Variants in BEND7 observed in about 807,000 individuals in gnomAD.
BEND7 encodes the protein BEN domain-containing protein 7.
BEND7 carries 28 observed loss-of-function variants against 50.9 expected under a neutral mutation model. That is an observed-to-expected ratio of 0.55 (90% CI 0.41 to 0.75). The LOEUF is 0.75. Ranked by LOEUF, BEND7 falls within the 30% of genes least tolerant of loss-of-function variation. The pLI is 0.00. For synonymous variants in BEND7, 170 were observed against 183.9 expected (o/e 0.92, Z 0.61); for missense variants, 477 against 491.3 (o/e 0.97, Z 0.28).
chr10:13,500,181 T>G, intron 2 of BEND7, 101 bp from the exon 3 acceptor site: 1 of 1,018,040 alleles, frequency 9.8e-7, no homozygotes, highest in Non-Finnish European at 1.4e-6. Context: ...TCTTTGGAAA[T>G]GGGAAAGATG....
In BEND7 at chr10:13,497,004, A is replaced by G. The variant is rs566830472; in HGVS notation, c.449-116T>C. ...TTGGCAGGATTTTGAAGCATGTGCA[A>G]TTATGATGAAGCTGTGCCTAAGGAA... On this transcript the variant is annotated intron_variant, in intron 3 of 8. Transcript: ENST00000466271. 8.6e-6 allele frequency: 11 copies of G among 1,283,892 alleles called. No homozygotes were observed. In the Admixed American group the frequency reaches 9.3e-5, roughly 11 times the overall value. The allele number at this position is 1,283,892 out of a possible 1,614,324, so 79.5% of individuals were successfully genotyped here.
chr10:13,480,539 C>A (rs2075782661), intron 6 of BEND7: 7 of 679,254 alleles, frequency 1.0e-5, no homozygotes, highest in South Asian at 6.9e-5. Context: ...TAAGAAGCAT[C>A]ATAGCTTTAT....
chr10:13,447,630 G>A (rs887443858), intron 7 of BEND7, among the ~76,000 whole-genome samples: 2 of 132,266 alleles, frequency 1.5e-5, no homozygotes, highest in African/African-American at 2.9e-5. Context: ...TACAAGCTCC[G>A]CCTCCCGGGT....
intron 6 of BEND7, among the ~76,000 whole-genome samples, chr10:13,473,480 T>A (rs2075109723): frequency 6.8e-6 from 1 of 146,270 alleles, no homozygotes; most frequent in African/African-American, 2.6e-5. Flanking sequence ...AGACTCGGGG[T>A]TGATATCTGT....
intron 2 of BEND7, among the ~76,000 whole-genome samples, chr10:13,503,233 T>C (rs2077612362): frequency 6.6e-6 from 1 of 152,100 alleles, no homozygotes; most frequent in Non-Finnish European, 1.5e-5. Flanking sequence ...GCGCCTGCCG[T>C]GTGCAGAAAC....
intron 2 of BEND7, among the ~76,000 whole-genome samples, chr10:13,523,515 G>A (rs976933882): frequency 1.3e-5 from 2 of 152,202 alleles, no homozygotes; most frequent in African/African-American, 4.8e-5. Flanking sequence ...ACATATGTTT[G>A]AATGTAGAAA....
intron 7 of BEND7, among the ~76,000 whole-genome samples, chr10:13,448,281 A>T (rs1017513766): frequency 6.6e-6 from 1 of 152,052 alleles, no homozygotes; most frequent in Non-Finnish European, 1.5e-5. Flanking sequence ...TTCCCGTAAC[A>T]TGTGGGGATG....
chr10:13,468,759 TGAGCAGG>T (rs2074508889), intron 6 of BEND7, among the ~76,000 whole-genome samples: 1 of 152,200 alleles, frequency 6.6e-6, no homozygotes, highest in African/African-American at 2.4e-5. Flanking sequence ...GCCAGGTAAT[TGAGCAGG>T]GTGAGTTGCA....
chr10:13,442,799 C>G (rs935974012), intron 8 of BEND7: 2 of 152,186 alleles, frequency 1.3e-5, no homozygotes, highest in African/African-American at 4.8e-5. Context: ...GTCATTTGCA[C>G]TTACTCAGTT....
intron 6 of BEND7, among the ~76,000 whole-genome samples, chr10:13,475,706 C>G (rs1291844527): frequency 1.2e-5 from 1 of 82,584 alleles, no homozygotes; most frequent in African/African-American, 3.9e-5. Flanking sequence ...TATAAAGAAT[C>G]CAAATGCTAG....
chr10:13,440,653 G>A (rs921862285), downstream of BEND7, among the ~76,000 whole-genome samples: 4 of 152,212 alleles, frequency 2.6e-5, no homozygotes, highest in South Asian at 2.1e-4. Flanking sequence ...GAGGAGTGGC[G>A]CCCTCCTGTG....
At chr10:13,497,692 G>A (rs1195601864) in intron 3 of BEND7, among the ~76,000 whole-genome samples, 2 of 152,044 alleles carry the variant, frequency 1.3e-5, no homozygotes, top group Non-Finnish European at 2.9e-5. Flanking sequence ...GAATAAAATG[G>A]GACATTTGGA....
chr10:13,514,627 G>A (rs968838499), intron 2 of BEND7, among the ~76,000 whole-genome samples: 5 of 152,128 alleles, frequency 3.3e-5, no homozygotes, highest in Admixed American at 1.3e-4. Flanking sequence ...ACCGTGTGCC[G>A]GCACCAGGAT....
At chr10:13,487,596 C>T (rs922586788) in intron 5 of BEND7, among the ~76,000 whole-genome samples, 17 of 151,926 alleles carry the variant, frequency 1.1e-4, no homozygotes, top group African/African-American at 3.6e-4. Context: ...ATGTTGATCA[C>T]GCTGGTCTCG....
At chr10:13,438,831 A>G (rs1265672105), downstream of BEND7, 1 of 268,142 alleles carries the variant, frequency 3.7e-6, no homozygotes, top group East Asian at 9.3e-5. Context: ...TGATCCATCC[A>G]TCCCATGATA....
chr10:13,519,004 C>G (rs1253397671), intron 2 of BEND7, among the ~76,000 whole-genome samples: 1 of 152,140 alleles, frequency 6.6e-6, no homozygotes, highest in Non-Finnish European at 1.5e-5. Flanking sequence ...TTAGGAGAGT[C>G]CTGAAAATAA....
At chr10:13,487,853 G>A (rs199823151) in intron 5 of BEND7, among the ~76,000 whole-genome samples, 4 of 152,010 alleles carry the variant, frequency 2.6e-5, no homozygotes, top group East Asian at 1.9e-4. Context: ...AGCACTTTGC[G>A]AGGACGAGGC....
chr10:13,449,821 T>A (rs1837302015), intron 7 of BEND7, among the ~76,000 whole-genome samples: 1 of 152,222 alleles, frequency 6.6e-6, no homozygotes, highest in Admixed American at 6.5e-5. Flanking sequence ...CAGAACACGC[T>A]AGCTGCATGA....
intron 6 of BEND7, among the ~76,000 whole-genome samples, chr10:13,457,186 G>A (rs1199141613): frequency 6.6e-6 from 1 of 152,156 alleles, no homozygotes; most frequent in African/African-American, 2.4e-5. Context: ...AGAAAGTCAT[G>A]GCTCCAAATT....
Sources: allele counts gnomAD v4.1 joint callset (sites outside exome capture counted in the v4.1 genomes callset), GRCh38; gene constraint gnomAD v4.1.1; transcripts MANE v1.5; gene names NCBI Gene and HGNC (gene_info 2026-07-23, HGNC 2026-07-21).